The following DIP2C variants were observed in gnomAD, a reference collection of about 807,000 sequenced individuals.
DIP2C encodes the protein disco-interacting protein 2 homolog C.
A neutral mutation model predicts 192.4 loss-of-function variants in DIP2C; 33 were observed. The ratio of observed to expected loss-of-function variants is 0.17; its 90% CI spans 0.13 to 0.23. The LOEUF is 0.23. Among genes scored for constraint, DIP2C ranks in the 10% least tolerant of loss-of-function variants. The pLI, the probability that DIP2C is intolerant of heterozygous loss-of-function variation, is 1.00. For missense variants in DIP2C, 1,537 were observed against 2,110.1 expected, an observed-to-expected ratio of 0.73 and a Z score of 5.32; for synonymous variants, 979 against 864.1, an observed-to-expected ratio of 1.13 and a Z score of -2.33.
chr10:435,885 A>G (rs923336465), intron 4 of DIP2C, among the ~76,000 whole-genome samples: 2 of 152,164 alleles, frequency 1.3e-5, no homozygotes, highest in African/African-American at 4.8e-5. Context: ...TTGCTGTATC[A>G]GACATCTAGA....
chr10:415,890 T>C lies in DIP2C; in HGVS notation c.740-2A>G. ...ACACCCGGCTACTTACTGGTACTCC[T>C]GAAAAACAGGAATCAGCGGGTGGGG... On this transcript the variant is annotated splice_acceptor_variant, in intron 6 of 36. Transcript: ENST00000280886. LOFTEE classifies it high-confidence loss of function. 1 of 1,613,604 alleles carries C rather than the reference T, an allele frequency of 6.2e-7. No homozygotes were observed. Among genetic ancestry groups the C allele is most frequent in the Non-Finnish European group, 8.5e-7 (1 of 1,179,868 alleles).
At chr10:367,542 G>A (rs1960423705) in intron 18 of DIP2C, among the ~76,000 whole-genome samples, 1 of 152,148 alleles carries the variant, frequency 6.6e-6, no homozygotes. Flanking sequence ...GCTGCTTACC[G>A]CTCGGCAGGG....
At chr10:379,442 A>G (rs1962117873) in intron 17 of DIP2C, among the ~76,000 whole-genome samples, 1 of 152,114 alleles carries the variant, frequency 6.6e-6, no homozygotes, top group Admixed American at 6.5e-5. Flanking sequence ...GATACTCCAC[A>G]GCCAGTGGGC....
At chr10:348,425 C>T (rs1958625496) in intron 26 of DIP2C, among the ~76,000 whole-genome samples, 2 of 152,170 alleles carry the variant, frequency 1.3e-5, no homozygotes, top group African/African-American at 2.4e-5. Flanking sequence ...GCAGAGGCTA[C>T]CATCCAGCCT....
chr10:349,154 G>A lies in DIP2C; in HGVS notation c.3109+177C>T, dbSNP rs75705407. 5.7e-4 allele frequency among the ~76,000 whole-genome samples: 87 copies of A among 152,342 alleles called. 1 individual carries two copies. In the East Asian group the frequency reaches 8.3e-3, roughly 15 times the overall value. ...TCTCACAGTAGCACATGCGGCTGGT[G>A]CCTGTGAGTGGTCGTAGCCAGACAC... On this transcript the variant is annotated intron_variant, in intron 25 of 36. Transcript: ENST00000280886.
chr10:400,838 C>A (rs868377522), intron 9 of DIP2C, among the ~76,000 whole-genome samples: 1 of 133,540 alleles, frequency 7.5e-6, no homozygotes, highest in Non-Finnish European at 1.6e-5. Context: ...GTGTTCCTCA[C>A]CACATGAATC....
intron 29 of DIP2C, 88 bp from the exon 30 acceptor site, chr10:329,689 A>G: frequency 6.7e-7 from 1 of 1,484,610 alleles, no homozygotes. Context: ...CACTGACTCC[A>G]AGGAAAAGGA....
intron 23 of DIP2C, 133 bp from the exon 24 acceptor site, chr10:356,639 C>A: frequency 3.0e-6 from 2 of 668,912 alleles, no homozygotes; most frequent in Non-Finnish European, 5.0e-6. Flanking sequence ...TGCTTCTCTG[C>A]AGGGAGTTGA....
At position 356,489 on chromosome 10, in the gene DIP2C, C is replaced by G. The variant is rs144808802; in HGVS notation, c.2922G>C (p.Glu974Asp). 1 of 1,612,164 alleles carries G rather than the reference C, an allele frequency of 6.2e-7. No individual in the cohort carries two copies. The highest frequency in any genetic ancestry group is 8.5e-7 in the Non-Finnish European group (1 of 1,179,806). The change falls in exon 24 of 37, where the codon GAG (glutamate) becomes GAC (aspartate). Residue 974 changes from glutamate (E) to aspartate (D), a missense_variant. Physicochemically the swap from Glu to Asp is conservative, Grantham distance 45 (BLOSUM62 2). Around this residue, in one of 4 missense-constraint regions of DIP2C, gnomAD observed 677 missense variants for 989.9 expected, o/e 0.68. Transcript: ENST00000280886. ...TGGTCTGTGCTCTCCACTGCAAGACCTCTGAGAGGAACAGGAACTGGAACA... is the reference window on the plus strand; with the variant it reads ...TGGTCTGTGCTCTCCACTGCAAGACGTCTGAGAGGAACAGGAACTGGAACA... ...DQARKFLFLSEVLQWRAQTTP... is the reference protein window; with the variant it reads ...DQARKFLFLSDVLQWRAQTTP...
At chr10:515,352 T>C (rs1471170330) in intron 1 of DIP2C, among the ~76,000 whole-genome samples, 1 of 152,218 alleles carries the variant, frequency 6.6e-6, no homozygotes, top group Non-Finnish European at 1.5e-5. Flanking sequence ...CTGAAGTACA[T>C]CCCTCTCCTC....
chr10:357,758 G>T lies in DIP2C; in HGVS notation c.2904+70C>A, dbSNP rs1291970974. On this transcript the variant is annotated intron_variant, in intron 23 of 36. Coordinates refer to ENST00000280886, the MANE Select transcript of DIP2C (RefSeq NM_014974.3). ...GGGACAGTCGGGTACTGTCGGGGAT[G>T]GTCGCAGATGGTCGGGGACAGTCGG... 5 of 1,178,536 alleles carry T rather than the reference G, an allele frequency of 4.2e-6. No individual in the cohort carries two copies. In the African/African-American group the frequency reaches 4.5e-5, roughly 11 times the overall value. 73.0% of individuals were successfully genotyped at this position (1,178,536 alleles called of 1,614,324 possible). A position where few individuals can be genotyped will look rare whatever the true frequency, so the allele number is the denominator to read the frequency against.
At chr10:508,957 T>A (rs776652309) in intron 1 of DIP2C, among the ~76,000 whole-genome samples, 1 of 152,176 alleles carries the variant, frequency 6.6e-6, no homozygotes, top group Non-Finnish European at 1.5e-5. Flanking sequence ...CTCTTGGATG[T>A]CTCATCCTGG....
chr10:670,227 TGC>T (rs766566549), intron 1 of DIP2C, among the ~76,000 whole-genome samples: 170 of 142,668 alleles, frequency 1.2e-3, no homozygotes, highest in Non-Finnish European at 1.8e-3. Context: ...CGCACACGCA[TGC>T]ATGCACACGC....
In DIP2C at chr10:596,496, CAAAAAAAAAA is replaced by C. The variant is rs56298679; in HGVS notation, c.85+92988_85+92997del. 1.6e-3 allele frequency among the ~76,000 whole-genome samples: 84 copies of C among 52,930 alleles called. 1 individual carries two copies. Among genetic ancestry groups the C allele is most frequent in the East Asian group, 5.8e-3 (7 of 1,214 alleles). 34.7% of individuals were successfully genotyped at this position (52,930 alleles called of 152,430 possible). The stretch of plus-strand genomic sequence containing the variant: ...GGGCGACCAGTGCGAAACTCCATCT[CAAAAAAAAAA>C]AAAAAAAAAAAAAAAAAAAAGTATT... On this transcript the variant is annotated intron_variant, in intron 1 of 36. Transcript: ENST00000280886.
intron 1 of DIP2C, among the ~76,000 whole-genome samples, chr10:591,711 G>C (rs1457584324): frequency 6.6e-6 from 1 of 152,138 alleles, no homozygotes; most frequent in Admixed American, 6.5e-5. Context: ...GGGACATGAA[G>C]GCAGGAACCA....
intron 1 of DIP2C, among the ~76,000 whole-genome samples, chr10:552,005 G>A (rs552431105): frequency 1.3e-5 from 2 of 152,348 alleles, no homozygotes; most frequent in African/African-American, 2.4e-5. Flanking sequence ...CAAAGGGAGG[G>A]CTTCTCAAGT....
chr10:438,616 G>A (rs559840458), intron 4 of DIP2C, among the ~76,000 whole-genome samples: 19 of 150,246 alleles, frequency 1.3e-4, no homozygotes, highest in South Asian at 2.1e-4. Flanking sequence ...TCAGCCTCCC[G>A]AGCAGCTGGG....
intron 32 of DIP2C, among the ~76,000 whole-genome samples, chr10:309,743 G>C (rs557034743): frequency 6.6e-6 from 1 of 152,104 alleles, no homozygotes; most frequent in East Asian, 1.9e-4. Context: ...TGGAGACGGG[G>C]CTTTACCATG....
At chr10:459,232 AC>A (rs1276944052) in intron 3 of DIP2C, among the ~76,000 whole-genome samples, 1 of 151,882 alleles carries the variant, frequency 6.6e-6, no homozygotes, top group African/African-American at 2.4e-5. Context: ...CCTTGGAAAA[AC>A]CCACTGTGCA....
Sources: allele counts gnomAD v4.1 joint callset (sites outside exome capture counted in the v4.1 genomes callset), GRCh38; gene constraint gnomAD v4.1.1; regional missense constraint gnomAD v4.1.1; transcripts MANE v1.5; gene names NCBI Gene and HGNC (gene_info 2026-07-23, HGNC 2026-07-21).